TPRG1: variants seen among roughly 807,000 people sequenced by gnomAD.
The protein encoded by TPRG1 is tumor protein p63-regulated gene 1 protein.
A neutral mutation model predicts 29.3 loss-of-function variants in TPRG1; 29 were observed. That is an observed-to-expected ratio of 0.99 (90% CI 0.74 to 1.35). The LOEUF is 1.35. Ranked by LOEUF, TPRG1 falls within the 40% of genes most tolerant of loss-of-function variation. The pLI is 0.00. For synonymous variants in TPRG1, 130 were observed against 116.8 expected (o/e 1.11, Z -0.73); for missense variants, 327 against 335.0 (o/e 0.98, Z 0.19).
chr3:189,122,203 T>G (rs1233323200), intron 1 of TPRG1, among the ~76,000 whole-genome samples: 1 of 152,170 alleles, frequency 6.6e-6, no homozygotes, highest in African/African-American at 2.4e-5. Flanking sequence ...GTCAGCATGT[T>G]CTTACTCTTT....
chr3:189,216,558 G>T (rs1361359243), intron 3 of TPRG1, among the ~76,000 whole-genome samples: 1 of 152,196 alleles, frequency 6.6e-6, no homozygotes, highest in African/African-American at 2.4e-5. Context: ...TGTATCTGAA[G>T]AATTCTTGAG....
upstream of TPRG1, among the ~76,000 whole-genome samples, chr3:189,169,227 C>T (rs1444253517): frequency 2.0e-5 from 3 of 152,170 alleles, no homozygotes; most frequent in South Asian, 6.2e-4. Context: ...TGCAGTGGAG[C>T]GATCTTGGCT....
At chr3:189,320,147 C>T (rs539422366) in intron 5 of TPRG1, among the ~76,000 whole-genome samples, 66 of 151,670 alleles carry the variant, frequency 4.4e-4, no homozygotes, top group Non-Finnish European at 6.9e-4. Context: ...TCCATGACAG[C>T]GGGGTTTTTT....
Position 189,207,592 on chromosome 3 carries a change from C to T in TPRG1, c.208C>T (p.Arg70Trp), listed in dbSNP as rs201368006. 5.4e-5 allele frequency: 87 copies of T among 1,613,596 alleles called. No homozygotes were observed. Among genetic ancestry groups the T allele is most frequent in the East Asian group, 4.5e-4 (20 of 44,888 alleles). ...TATCTCACGGAAGTACTTTGCTACA[C>T]GGGTAAATTTATTGGTTCTCTTAAA... ...PYISRKYFATRPGAIETAMED... is the reference protein window; with the variant it reads ...PYISRKYFATWPGAIETAMED... Residue 70 changes from arginine (R) to tryptophan (W), a missense_variant and splice_region_variant, in exon 2 of 6, where the codon CGG becomes TGG. By Grantham distance (101) the Arg-to-Trp change is moderately radical. Transcript: ENST00000345063.
chr3:189,302,491 T>C (rs1720992580), intron 4 of TPRG1, among the ~76,000 whole-genome samples: 1 of 152,224 alleles, frequency 6.6e-6, no homozygotes, highest in Non-Finnish European at 1.5e-5. Flanking sequence ...TGAGGCTCCG[T>C]GTACAGAATA....
intron 4 of TPRG1, among the ~76,000 whole-genome samples, chr3:189,246,856 A>G (rs1285257616): frequency 1.3e-5 from 2 of 152,132 alleles, no homozygotes; most frequent in Non-Finnish European, 2.9e-5. Context: ...GAGGTCCACA[A>G]TGATTTGAAC....
At chr3:189,090,784 A>C (rs1392741880) in intron 4 of TPRG1, among the ~76,000 whole-genome samples, 1 of 151,998 alleles carries the variant, frequency 6.6e-6, no homozygotes, top group Non-Finnish European at 1.5e-5. Context: ...TATCTTTTAT[A>C]ATAACTTATT....
At chr3:189,227,756 G>T (rs553113313) in intron 3 of TPRG1, among the ~76,000 whole-genome samples, 6 of 152,190 alleles carry the variant, frequency 3.9e-5, no homozygotes, top group Non-Finnish European at 8.8e-5. Context: ...GTAAAACTAT[G>T]GTCACGCCAC....
chr3:189,208,025 G>C (rs561624204), intron 2 of TPRG1, among the ~76,000 whole-genome samples: 4 of 152,194 alleles, frequency 2.6e-5, no homozygotes, highest in Non-Finnish European at 5.9e-5. Flanking sequence ...TAAAGTTTAC[G>C]ATGGGATGCT....
At chr3:189,319,071 C>G (rs999303067) in intron 5 of TPRG1, among the ~76,000 whole-genome samples, 1 of 152,122 alleles carries the variant, frequency 6.6e-6, no homozygotes, top group Non-Finnish European at 1.5e-5. Flanking sequence ...CAGATCCCCT[C>G]TACATTGCCC....
chr3:189,056,089 C>A (rs557356446), intron 4 of TPRG1, among the ~76,000 whole-genome samples: 46 of 128,788 alleles, frequency 3.6e-4, no homozygotes, highest in Admixed American at 6.0e-4. Flanking sequence ...TCCTTCCTTC[C>A]TTCCTTCCTT....
intron 4 of TPRG1, among the ~76,000 whole-genome samples, chr3:189,299,118 G>T (rs2109253096): frequency 6.8e-6 from 1 of 148,026 alleles, no homozygotes. Context: ...GCTGAAACTT[G>T]TTTTTTTAGG....
chr3:188,997,898 A>T lies in TPRG1; in HGVS notation c.-1015-2876A>T, dbSNP rs575859612. On this transcript the variant is annotated intron_variant, in intron 1 of 10. Coordinates refer to the TPRG1 transcript ENST00000433971. ...ATTTCTGTTTCTAGTTTGAGACACG[A>T]TTTTTCCCCATTGGCTTTACTTTAC... Among the ~76,000 whole-genome samples the T allele has an allele frequency of 3.9e-5, 6 of 152,090 alleles. No individual in the cohort carries two copies. In the South Asian group the frequency reaches 1.2e-3, roughly 32 times the overall value.
intron 3 of TPRG1, among the ~76,000 whole-genome samples, chr3:189,137,937 A>T (rs978856414): frequency 1.1e-4 from 16 of 152,184 alleles, no homozygotes; most frequent in Non-Finnish European, 2.2e-4. Context: ...ATGTAGCCTT[A>T]GGGTACCTAA....
At chr3:189,150,898 C>T (rs944707353) in intron 5 of TPRG1, 6 of 152,184 alleles carry the variant, frequency 3.9e-5, no homozygotes, top group African/African-American at 1.4e-4. Flanking sequence ...AACATTTCTC[C>T]TACAGCCCCA....
chr3:189,030,290 TA>T (rs1456068565), intron 4 of TPRG1, among the ~76,000 whole-genome samples: 2 of 152,174 alleles, frequency 1.3e-5, no homozygotes, highest in Non-Finnish European at 2.9e-5. Context: ...TTGCCAGAAT[TA>T]GCAAAAGATA....
At chr3:189,121,639 G>C (rs1359255319) in intron 1 of TPRG1, 1 of 152,192 alleles carries the variant, frequency 6.6e-6, no homozygotes, top group Non-Finnish European at 1.5e-5. Context: ...GATCTATCCT[G>C]ACAAATGTAC....
chr3:189,175,879 C>G (rs1440733318), intron 1 of TPRG1, among the ~76,000 whole-genome samples: 3 of 152,146 alleles, frequency 2.0e-5, no homozygotes, highest in Non-Finnish European at 4.4e-5. Flanking sequence ...GAGTTCTTAA[C>G]TTGTGTGATG....
At chr3:189,076,470 C>A (rs1374970963) in intron 4 of TPRG1, among the ~76,000 whole-genome samples, 1 of 151,618 alleles carries the variant, frequency 6.6e-6, no homozygotes, top group Non-Finnish European at 1.5e-5. Context: ...TCTCAGCAAG[C>A]TGTATTTTGC....
Sources: gnomAD v4.1 joint callset for allele counts (sites outside exome capture counted in the v4.1 genomes callset) on GRCh38, gnomAD v4.1.1 for gene constraint, MANE v1.5 for transcripts, NCBI Gene and HGNC (gene_info 2026-07-23, HGNC 2026-07-21) for gene names.